Variants in CD47 observed in about 807,000 individuals in gnomAD.
The protein encoded by CD47 is CD47 molecule, also known as leukocyte surface antigen CD47.
A neutral mutation model predicts 44.6 loss-of-function variants in CD47; 11 were observed. That is an observed-to-expected ratio of 0.25 (90% confidence interval 0.16 to 0.41). The LOEUF is 0.41. Among genes scored for constraint, CD47 ranks in the 10% least tolerant of loss-of-function variants. The probability of loss-of-function intolerance (pLI) is 1.00; values close to 1 mark genes in which losing one functional copy is unlikely to be tolerated. For synonymous variants in CD47, 140 were observed against 136.3 expected, an observed-to-expected ratio of 1.03 and a Z score of -0.19; for missense variants, 306 against 386.7, an observed-to-expected ratio of 0.79 and a Z score of 1.75.
intron 10 of CD47, among the ~76,000 whole-genome samples, chr3:108,047,556 T>C (rs1248718868): frequency 6.6e-6 from 1 of 152,222 alleles, no homozygotes; most frequent in Non-Finnish European, 1.5e-5. Flanking sequence ...CCAAGAGATG[T>C]TGATTTTTCA....
chr3:108,079,066 T>G (rs1224877225), intron 2 of CD47, among the ~76,000 whole-genome samples: 4 of 152,074 alleles, frequency 2.6e-5, no homozygotes, highest in Admixed American at 6.6e-5. Flanking sequence ...ACCCCATTCC[T>G]AATCTGGTAG....
At position 108,090,089 on chromosome 3, in the gene CD47, C is replaced by T. The variant is rs192290455; in HGVS notation, c.46+774G>A. Among the ~76,000 whole-genome samples the T allele has an allele frequency of 1.7e-3, 258 of 152,234 alleles. 1 individual carries two copies. In the South Asian group the frequency reaches 0.018, roughly 11 times the overall value. On this transcript the variant is annotated intron_variant, in intron 1 of 10. Coordinates refer to ENST00000361309, the MANE Select transcript of CD47 (RefSeq NM_001777.4). Reference sequence around the variant, plus strand: ...TGTTTTGACTGGAGGTTACTGTCTTCCTATTTCAGGCGAAAACCAGATTAC... The same window carrying T: ...TGTTTTGACTGGAGGTTACTGTCTTTCTATTTCAGGCGAAAACCAGATTAC...
chr3:108,056,747 G>T (rs2078919231), intron 7 of CD47, among the ~76,000 whole-genome samples: 1 of 152,034 alleles, frequency 6.6e-6, no homozygotes, highest in Non-Finnish European at 1.5e-5. Flanking sequence ...ATATCTCTCT[G>T]TGTACATATA....
chr3:108,070,102 C>T (rs1174191196), intron 3 of CD47, among the ~76,000 whole-genome samples: 1 of 152,070 alleles, frequency 6.6e-6, no homozygotes, highest in Non-Finnish European at 1.5e-5. Context: ...TATAATCAAT[C>T]AGTCATCTCC....
rs55777019 is a variant in CD47 at position 108,044,415 on chromosome 3, C to CAAAAAAAAA, written c.*2864_*2872dup. 2.9e-5 allele frequency: 1 copy of CAAAAAAAAA among 34,102 alleles called. No individual in the cohort carries two copies. Among genetic ancestry groups the CAAAAAAAAA allele is most frequent in the African/African-American group, 9.6e-5 (1 of 10,446 alleles). The allele number at this position is 34,102 out of a possible 1,614,324, so 2.1% of individuals were successfully genotyped here. On this transcript the variant is annotated 3_prime_UTR_variant, in exon 11 of 11. Coordinates refer to ENST00000361309, the MANE Select transcript of CD47 (RefSeq NM_001777.4). Reference sequence around the variant, plus strand: ...GGTTTTTAGAGCATGTGAAATTAGTCAAAAAAAAAAAAAAAAAAAAAAAAA... The same window carrying CAAAAAAAAA: ...GGTTTTTAGAGCATGTGAAATTAGTCAAAAAAAAAAAAAAAAAAAAAAAAAAAAAAAAAA...
chr3:108,049,147 C>A (rs1254585835), intron 10 of CD47, among the ~76,000 whole-genome samples: 2 of 116,342 alleles, frequency 1.7e-5, no homozygotes, highest in East Asian at 2.4e-4. Flanking sequence ...TCTCTCTCAA[C>A]CTCTCTCTTT....
chr3:108,051,885 C>A, intron 8 of CD47, 54 bp downstream of exon 8: 1 of 1,348,578 alleles, frequency 7.4e-7, no homozygotes, highest in South Asian at 1.2e-5. Context: ...CCAAGTTCCT[C>A]AGTCTAATCC....
At chr3:108,084,364 C>T (rs2108271546) in intron 1 of CD47, among the ~76,000 whole-genome samples, 1 of 152,098 alleles carries the variant, frequency 6.6e-6, no homozygotes, top group Middle Eastern at 3.4e-3. Context: ...ATGGTATCTC[C>T]TGATTACGAA....
Position 108,044,545 on chromosome 3 carries a change from A to G in CD47, c.*2743T>C, listed in dbSNP as rs554231080. Reference sequence around the variant, plus strand: ...CAACTCTCAATCATTTAACTTATGTACCTAGCTTCTGATGTATGCAAAACA... The same window carrying G: ...CAACTCTCAATCATTTAACTTATGTGCCTAGCTTCTGATGTATGCAAAACA... On this transcript the variant is annotated 3_prime_UTR_variant, in exon 11 of 11. Coordinates refer to ENST00000361309, the MANE Select transcript of CD47 (RefSeq NM_001777.4). 6.6e-6 allele frequency: 1 copy of G among 151,734 alleles called. No individual in the cohort carries two copies. Among genetic ancestry groups the G allele is most frequent in the East Asian group, 1.9e-4 (1 of 5,152 alleles). The allele number at this position is 151,734 out of a possible 1,614,324, so 9.4% of individuals were successfully genotyped here.
chr3:108,047,669 G>C (rs1026191112), intron 10 of CD47, among the ~76,000 whole-genome samples: 6 of 152,190 alleles, frequency 3.9e-5, no homozygotes, highest in African/African-American at 1.2e-4. Context: ...AGCTGTAGAT[G>C]AAAGAGAAAA....
At chr3:108,071,713 A>C (rs1216591356) in intron 2 of CD47, among the ~76,000 whole-genome samples, 1 of 152,234 alleles carries the variant, frequency 6.6e-6, no homozygotes, top group African/African-American at 2.4e-5. Context: ...GTATGTATTC[A>C]TGTGTTGAGT....
At chr3:108,066,883 A>T (rs2079113074) in intron 3 of CD47, among the ~76,000 whole-genome samples, 1 of 152,212 alleles carries the variant, frequency 6.6e-6, no homozygotes, top group Non-Finnish European at 1.5e-5. Context: ...AAGAATAAAG[A>T]TGTCCCAGAG....
intron 2 of CD47, among the ~76,000 whole-genome samples, chr3:108,073,452 G>A (rs2079248199): frequency 6.6e-6 from 1 of 152,122 alleles, no homozygotes; most frequent in Non-Finnish European, 1.5e-5. Flanking sequence ...TGCAGAGTGG[G>A]AGAAGCTGAG....
At chr3:108,050,181 G>A (rs1468819785) in intron 9 of CD47, among the ~76,000 whole-genome samples, 1 of 152,118 alleles carries the variant, frequency 6.6e-6, no homozygotes, top group Non-Finnish European at 1.5e-5. Flanking sequence ...GCGGTGGCAT[G>A]ATCTCAACTC....
At chr3:108,088,393 T>C (rs2079561173) in intron 1 of CD47, among the ~76,000 whole-genome samples, 1 of 152,210 alleles carries the variant, frequency 6.6e-6, no homozygotes, top group Admixed American at 6.5e-5. Flanking sequence ...CATGAGCAAG[T>C]GTCCTAATGG....
intron 7 of CD47, among the ~76,000 whole-genome samples, chr3:108,057,177 T>C (rs2078926148): frequency 6.6e-6 from 1 of 152,188 alleles, no homozygotes; most frequent in South Asian, 2.1e-4. Context: ...CACATTCTAA[T>C]AGATAAAGCC....
At chr3:108,065,811 C>CAAAAAAAAAAAAAA (rs58021560) in intron 3 of CD47, among the ~76,000 whole-genome samples, 1 of 61,166 alleles carries the variant, frequency 1.6e-5, no homozygotes, top group African/African-American at 6.6e-5. Context: ...GACTCCGTCT[C>CAAAAAAAAAAAAAA]AAAAAAAAAA....
chr3:108,056,983 T>C (rs903332439), intron 7 of CD47, among the ~76,000 whole-genome samples: 1 of 152,176 alleles, frequency 6.6e-6, no homozygotes, highest in African/African-American at 2.4e-5. Context: ...ACAAAATTGA[T>C]AGATTGTGAA....
intron 9 of CD47, among the ~76,000 whole-genome samples, chr3:108,050,316 A>C (rs369806696): frequency 6.6e-6 from 1 of 152,054 alleles, no homozygotes; most frequent in Non-Finnish European, 1.5e-5. Flanking sequence ...CAGGGTTTCA[A>C]CATGTTGGCC....
Sources: allele counts gnomAD v4.1 joint callset (sites outside exome capture counted in the v4.1 genomes callset), GRCh38; gene constraint gnomAD v4.1.1; transcripts MANE v1.5; gene names NCBI Gene and HGNC (gene_info 2026-07-23, HGNC 2026-07-21).